The following SEMA3A variants were observed in gnomAD, a reference collection of about 807,000 sequenced individuals.
SEMA3A encodes the protein semaphorin-3A.
In SEMA3A, 29 loss-of-function variants were observed where a neutral mutation model predicts 97.9. That is an observed-to-expected ratio of 0.30 (90% CI 0.22 to 0.40). The LOEUF is 0.40. Among genes scored for constraint, SEMA3A ranks in the 10% least tolerant of loss-of-function variants. The pLI is 1.00. For missense variants in SEMA3A, 763 were observed against 951.3 expected, an observed-to-expected ratio of 0.80 and a Z score of 2.60; for synonymous variants, 321 against 323.7, an observed-to-expected ratio of 0.99 and a Z score of 0.09.
chr7:84,407,221 A>G (rs558512049), intron 1 of SEMA3A, among the ~76,000 whole-genome samples: 2 of 152,364 alleles, frequency 1.3e-5, no homozygotes, highest in Non-Finnish European at 2.9e-5. Flanking sequence ...TACAAAATCA[A>G]TGTGCAAAAA....
rs1435678540 is a variant in SEMA3A, at chr7:84,080,738, AT to A, written c.454-20181del. On this transcript the variant is annotated intron_variant, in intron 4 of 16. Coordinates refer to ENST00000265362, the MANE Select transcript of SEMA3A (RefSeq NM_006080.3). The stretch of plus-strand genomic sequence containing the variant: ...AGGCGCCCGCCACTACGCCCGGCTA[AT>A]TTTTTTGTATTTTTAGTAGAGACGG... Among the ~76,000 whole-genome samples, 4 of 18,086 alleles carry A rather than the reference AT, an allele frequency of 2.2e-4. 2 individuals are homozygous for A. The highest frequency in any genetic ancestry group is 3.8e-4 in the Non-Finnish European group (4 of 10,570). The allele number at this position is 18,086 out of a possible 152,430, so 11.9% of individuals were successfully genotyped here. A position where few individuals can be genotyped will look rare whatever the true frequency, so the allele number is the denominator to read the frequency against.
chr7:84,327,217 T>C (rs573810528), intron 2 of SEMA3A, among the ~76,000 whole-genome samples: 265 of 152,058 alleles, frequency 1.7e-3, no homozygotes, highest in African/African-American at 5.9e-3. Flanking sequence ...ATGAGAGAAT[T>C]CCAAAAGATC....
intron 4 of SEMA3A, among the ~76,000 whole-genome samples, chr7:84,094,415 G>A (rs549019533): frequency 2.0e-5 from 3 of 151,028 alleles, no homozygotes; most frequent in South Asian, 2.1e-4. Flanking sequence ...TTTCAATAGC[G>A]TTCTTTTTAT....
intron 12 of SEMA3A, among the ~76,000 whole-genome samples, chr7:83,989,444 T>C (rs1205319831): frequency 7.4e-6 from 1 of 134,306 alleles, no homozygotes; most frequent in African/African-American, 2.7e-5. Flanking sequence ...ATTAGGTATA[T>C]CTCCCAATGC....
chr7:84,273,178 A>G (rs1460255828), intron 3 of SEMA3A, among the ~76,000 whole-genome samples: 1 of 152,092 alleles, frequency 6.6e-6, no homozygotes, highest in Non-Finnish European at 1.5e-5. Context: ...GAAAATACAA[A>G]TTTATCTAAA....
intron 1 of SEMA3A, among the ~76,000 whole-genome samples, chr7:84,160,257 CT>C (rs1562821979): frequency 1.3e-5 from 2 of 148,968 alleles, no homozygotes; most frequent in African/African-American, 4.9e-5. Flanking sequence ...ATCTATCTAT[CT>C]ATCTATCTAT....
chr7:84,283,314 T>C (rs1800496070), intron 3 of SEMA3A, among the ~76,000 whole-genome samples: 2 of 152,178 alleles, frequency 1.3e-5, no homozygotes, highest in South Asian at 4.1e-4. Flanking sequence ...TGTGTTAAAC[T>C]ATGGGTTGGA....
At chr7:84,423,802 A>G (rs1804667586) in intron 1 of SEMA3A, among the ~76,000 whole-genome samples, 1 of 152,024 alleles carries the variant, frequency 6.6e-6, no homozygotes, top group African/African-American at 2.4e-5. Flanking sequence ...CAAACAAATC[A>G]GCAAGAAAAA....
intron 1 of SEMA3A, among the ~76,000 whole-genome samples, chr7:84,467,689 T>C (rs1346908918): frequency 6.6e-6 from 1 of 152,108 alleles, no homozygotes; most frequent in Non-Finnish European, 1.5e-5. Context: ...TCATTAACTT[T>C]CTGAGAACTC....
intron 2 of SEMA3A, among the ~76,000 whole-genome samples, chr7:84,321,489 T>C (rs548624803): frequency 4.6e-5 from 7 of 152,114 alleles, no homozygotes; most frequent in African/African-American, 1.7e-4. Context: ...TGGGTTGATA[T>C]AATTGCTCTG....
At chr7:84,431,872 C>T (rs566957191) in intron 1 of SEMA3A, among the ~76,000 whole-genome samples, 5 of 150,714 alleles carry the variant, frequency 3.3e-5, no homozygotes, top group Admixed American at 6.6e-5. Context: ...AATTACTATA[C>T]ATTATAATAA....
intron 3 of SEMA3A, among the ~76,000 whole-genome samples, chr7:84,246,576 T>C (rs888502152): frequency 1.3e-5 from 2 of 152,176 alleles, no homozygotes; most frequent in African/African-American, 4.8e-5. Context: ...ATGTATATTA[T>C]ATATCCAAAA....
At chr7:84,063,200 C>T (rs1239526225) in intron 4 of SEMA3A, among the ~76,000 whole-genome samples, 5 of 151,556 alleles carry the variant, frequency 3.3e-5, no homozygotes, top group Admixed American at 2.6e-4. Flanking sequence ...AGACCTGCAG[C>T]TGAGGGTCCT....
intron 3 of SEMA3A, among the ~76,000 whole-genome samples, chr7:84,201,881 A>C (rs1053580606): frequency 5.3e-5 from 8 of 152,120 alleles, no homozygotes; most frequent in Non-Finnish European, 1.0e-4. Context: ...AAGTTGATAC[A>C]TAACTTTGGT....
At chr7:84,380,485 A>AGGCC (rs1360792058) in intron 1 of SEMA3A, among the ~76,000 whole-genome samples, 1 of 152,184 alleles carries the variant, frequency 6.6e-6, no homozygotes, top group East Asian at 1.9e-4. Context: ...GTTTTCTGAA[A>AGGCC]TGGAATTTAT....
intron 1 of SEMA3A, among the ~76,000 whole-genome samples, chr7:84,453,231 CTTTG>C (rs143668675): frequency 0.11 from 15,512 of 146,934 alleles, 1,611 homozygotes; most frequent in African/African-American, 0.26. Flanking sequence ...GTTCATGAGA[CTTTG>C]TTTCTTTTTT....
At chr7:84,122,480 G>A (rs1226267988) in intron 3 of SEMA3A, among the ~76,000 whole-genome samples, 2 of 152,054 alleles carry the variant, frequency 1.3e-5, no homozygotes, top group Non-Finnish European at 2.9e-5. Context: ...CATAAGATGT[G>A]AGAAATGTGA....
intron 2 of SEMA3A, among the ~76,000 whole-genome samples, chr7:84,366,085 T>C (rs914299619): frequency 5.9e-5 from 9 of 151,438 alleles, no homozygotes; most frequent in Non-Finnish European, 1.2e-4. Context: ...TCATTAAACC[T>C]GTCACAGACA....
In SEMA3A at chr7:84,376,328, C is replaced by T. The variant is rs1027107579; in HGVS notation, c.-245-4428G>A. On this transcript the variant is annotated intron_variant, in intron 1 of 3. Coordinates refer to the SEMA3A transcript ENST00000424555. ...CAGTGTATAAGAAGTGTTGGCCGGG[C>T]GCGGTGGCTCACGCCTGTAATCCCA... 3.5e-5 allele frequency among the ~76,000 whole-genome samples: 4 copies of T among 115,404 alleles called. 1 individual carries two copies. Among genetic ancestry groups the T allele is most frequent in the Non-Finnish European group, 7.6e-5 (4 of 52,956 alleles). The allele number at this position is 115,404 out of a possible 152,430, so 75.7% of individuals were successfully genotyped here.
Sources: gnomAD v4.1 joint callset for allele counts (sites outside exome capture counted in the v4.1 genomes callset) on GRCh38, gnomAD v4.1.1 for gene constraint, MANE v1.5 for transcripts, NCBI Gene and HGNC (gene_info 2026-07-23, HGNC 2026-07-21) for gene names.